NXN: variants seen among roughly 807,000 people sequenced by gnomAD.
The protein encoded by NXN is nucleoredoxin.
NXN carries 16 observed loss-of-function variants against 48.6 expected under a neutral mutation model. The ratio of observed to expected loss-of-function variants is 0.33; its 90% CI spans 0.22 to 0.50. The LOEUF (loss-of-function observed/expected upper bound fraction) is 0.50. Among genes scored for constraint, NXN ranks in the 20% least tolerant of loss-of-function variants. The pLI, the probability that NXN is intolerant of heterozygous loss-of-function variation, is 0.98. For missense variants in NXN, 492 were observed against 605.5 expected (o/e 0.81, Z 1.97); for synonymous variants, 281 against 269.6 (o/e 1.04, Z -0.41).
chr17:805,023 C>CCCCCCCCCCCCCCCCA, intron 6 of NXN, 45 bp downstream of exon 6: 1 of 1,505,618 alleles, frequency 6.6e-7, no homozygotes, highest in Non-Finnish European at 9.0e-7. Flanking sequence ...CCTCCTGTCC[C>CCCCCCCCCCCCCCCCA]GCCCCCCAGC....
At chr17:878,130 A>G (rs2068238099) in intron 1 of NXN, 1 of 152,266 alleles carries the variant, frequency 6.6e-6, no homozygotes, top group Non-Finnish European at 1.5e-5. Context: ...CGACCATTGC[A>G]CAGCGTGGGG....
At chr17:890,623 C>T (rs534350599) in intron 1 of NXN, among the ~76,000 whole-genome samples, 7 of 151,972 alleles carry the variant, frequency 4.6e-5, no homozygotes, top group Non-Finnish European at 8.8e-5. Flanking sequence ...CCTCGTGATC[C>T]GCCCACCTCG....
chr17:920,911 C>T lies in NXN; in HGVS notation c.360+58408G>A, dbSNP rs187242096. 4.6e-5 allele frequency among the ~76,000 whole-genome samples: 7 copies of T among 152,056 alleles called. No individual in the cohort carries two copies. The highest frequency in any genetic ancestry group is 1.4e-4 in the African/African-American group (6 of 41,502). ...CTAATTTTTGTAATTTTAGTAAAGA[C>T]GGGGTTTTGCCATGTTAGCCAGGCT... is the stretch of plus-strand genomic sequence containing the variant. On this transcript the variant is annotated intron_variant, in intron 1 of 7. Transcript: ENST00000336868. The surrounding 1 kb of genome is among the most constrained non-coding windows in gnomAD (Gnocchi z 4.6).
chr17:818,564 G>A (rs971674589), intron 5 of NXN, among the ~76,000 whole-genome samples: 5 of 152,100 alleles, frequency 3.3e-5, no homozygotes, highest in Non-Finnish European at 5.9e-5. Context: ...TCATTTGGGA[G>A]GCTGTGCTCC....
chr17:965,814 G>C (rs2069295481), intron 1 of NXN, among the ~76,000 whole-genome samples: 2 of 152,078 alleles, frequency 1.3e-5, no homozygotes, highest in Non-Finnish European at 2.9e-5. Flanking sequence ...GCCGAGGCAG[G>C]AGAATGGTGT....
chr17:819,117 T>C lies in NXN; in HGVS notation c.820+322A>G, dbSNP rs897380696. ...ACCCGCCACCACGCCCAGCTAATTTTTGTATTTTTAGTAGAGACCGGGTTT... is the reference window on the plus strand; with the variant it reads ...ACCCGCCACCACGCCCAGCTAATTTCTGTATTTTTAGTAGAGACCGGGTTT... On this transcript the variant is annotated intron_variant, in intron 5 of 7. Coordinates refer to ENST00000336868, the MANE Select transcript of NXN (RefSeq NM_022463.5). 50 of 340,984 alleles carry C rather than the reference T, an allele frequency of 1.5e-4. No homozygotes were observed. The Admixed American group carries it at 1.8e-3, about 12-fold the overall frequency. The allele number at this position is 340,984 out of a possible 1,614,324, so 21.1% of individuals were successfully genotyped here.
intron 1 of NXN, among the ~76,000 whole-genome samples, chr17:948,785 G>A (rs1030826535): frequency 4.0e-5 from 6 of 149,366 alleles, no homozygotes; most frequent in Non-Finnish European, 7.4e-5. Flanking sequence ...CGGGACACGA[G>A]GAAACAGCAG....
chr17:889,940 C>G (rs2068398103), intron 1 of NXN, among the ~76,000 whole-genome samples: 2 of 152,116 alleles, frequency 1.3e-5, no homozygotes, highest in South Asian at 2.1e-4. Flanking sequence ...TGCCGTAGAT[C>G]ACGTACCCCC....
chr17:959,394 G>T, intron 1 of NXN: 1 of 211,176 alleles, frequency 4.7e-6, no homozygotes, highest in South Asian at 1.7e-4. Context: ...CAGAGCGGGA[G>T]AACGGGCAGG....
intron 1 of NXN, among the ~76,000 whole-genome samples, chr17:895,609 A>C (rs2940808): frequency 6.7e-6 from 1 of 149,276 alleles, no homozygotes; most frequent in Non-Finnish European, 1.5e-5. Context: ...TCAGGAGATC[A>C]AGACCATCCT....
chr17:950,166 A>C (rs4968067), intron 1 of NXN, among the ~76,000 whole-genome samples: 88,065 of 152,074 alleles, frequency 0.58, 26,668 homozygotes, highest in Middle Eastern at 0.72. Flanking sequence ...TTTTAACTAG[A>C]AAAAGAGCAG....
intron 3 of NXN, among the ~76,000 whole-genome samples, chr17:823,322 C>A (rs375518433): frequency 1.3e-5 from 2 of 151,694 alleles, no homozygotes; most frequent in East Asian, 1.9e-4. Flanking sequence ...TCACTTGAAC[C>A]CAGGAGGCAA....
At chr17:949,931 C>CA (rs2069090776) in intron 1 of NXN, among the ~76,000 whole-genome samples, 1 of 151,972 alleles carries the variant, frequency 6.6e-6, no homozygotes, top group South Asian at 2.1e-4. Context: ...AGCAGCTTCT[C>CA]GGGGGCTAAC....
At chr17:970,945 C>CT (rs398058506) in intron 1 of NXN, among the ~76,000 whole-genome samples, 11,339 of 133,978 alleles carry the variant, frequency 0.085, 756 homozygotes, top group East Asian at 0.25. Context: ...ATATGAGACT[C>CT]TTTTTTTTTT....
At chr17:824,551 C>A (rs919822645) in intron 2 of NXN, among the ~76,000 whole-genome samples, 1 of 152,194 alleles carries the variant, frequency 6.6e-6, no homozygotes, top group Non-Finnish European at 1.5e-5. Flanking sequence ...CACATCCCAG[C>A]GGCTGTCAGC....
chr17:869,902 G>A (rs891834418), intron 1 of NXN, among the ~76,000 whole-genome samples: 5 of 152,182 alleles, frequency 3.3e-5, no homozygotes, highest in South Asian at 2.1e-4. Flanking sequence ...GGTGGCGTGC[G>A]AGAGCTCTCG....
chr17:838,811 C>G (rs77212004), intron 1 of NXN, among the ~76,000 whole-genome samples: 7,097 of 152,264 alleles, frequency 0.047, 279 homozygotes, highest in East Asian at 0.24. Flanking sequence ...CGCCCTACAG[C>G]TGCCTCCCTT....
chr17:825,638 G>C lies in NXN; in HGVS notation c.478+323C>G, dbSNP rs1044989989. The C allele has an allele frequency of 4.1e-6, 1 of 242,234 alleles. No individual in the cohort carries two copies. The highest frequency in any genetic ancestry group is 2.3e-5 in the African/African-American group (1 of 43,776). 15.0% of individuals were successfully genotyped at this position (242,234 alleles called of 1,614,324 possible). Reference sequence around the variant, plus strand: ...TGTGAAGGGGGCAGCCGCCACGGATGCAGCACTAGAGGCCGGGGTCTGAGC... The same window carrying C: ...TGTGAAGGGGGCAGCCGCCACGGATCCAGCACTAGAGGCCGGGGTCTGAGC... On this transcript the variant is annotated intron_variant, in intron 2 of 7. Coordinates refer to ENST00000336868, the MANE Select transcript of NXN (RefSeq NM_022463.5). The surrounding 1 kb of genome is among the most constrained non-coding windows in gnomAD (Gnocchi z 4.1).
chr17:801,118 T>A lies in NXN; in HGVS notation c.1139A>T (p.Asp380Val). Residue 380 changes from aspartate (D) to valine (V), a missense_variant, in exon 8 of 8, where the codon GAC (aspartate) becomes GTC (valine). Asp to Val is a radical substitution (Grantham distance 152, BLOSUM62 -3). Transcript: ENST00000336868. ...FFVAGEDDMT[D>V]SLRDYTNLPE... ...CAGGTTGGTGTAATCTCGCAGGGAG[T>A]CAGTCATGTCATCCTGAAGCCGTCA... 2 of 1,533,196 alleles carry A rather than the reference T, an allele frequency of 1.3e-6. No individual in the cohort carries two copies. Among genetic ancestry groups the A allele is most frequent in the Non-Finnish European group, 1.8e-6 (2 of 1,139,406 alleles). 95.0% of individuals were successfully genotyped at this position (1,533,196 alleles called of 1,614,324 possible). A position where few individuals can be genotyped will look rare whatever the true frequency, so the allele number is the denominator to read the frequency against.
Sources: allele counts gnomAD v4.1 joint callset (sites outside exome capture counted in the v4.1 genomes callset), GRCh38; gene constraint gnomAD v4.1.1; non-coding constraint Gnocchi (gnomAD v3.1); transcripts MANE v1.5; gene names NCBI Gene and HGNC (gene_info 2026-07-23, HGNC 2026-07-21).